Variants in ACTR2 observed in about 807,000 individuals in gnomAD.
ACTR2 encodes actin related protein 2.
ACTR2 carries 5 observed loss-of-function variants against 50.2 expected under a neutral mutation model. The ratio of observed to expected loss-of-function variants is 0.10; its 90% CI spans 0.05 to 0.21. ACTR2 has a LOEUF of 0.21. ACTR2 is among the 10% of genes least tolerant of loss of function. The pLI, the probability that ACTR2 is intolerant of heterozygous loss-of-function variation, is 1.00. For synonymous variants in ACTR2, 140 were observed against 162.9 expected (o/e 0.86, Z 1.07); for missense variants, 180 against 480.6 (o/e 0.37, Z 5.85).
At chr2:65,229,783 CATATT>C (rs1380825356) in intron 1 of ACTR2, among the ~76,000 whole-genome samples, 3 of 140,796 alleles carry the variant, frequency 2.1e-5, no homozygotes, top group African/African-American at 7.9e-5. Context: ...AAAAACAAAA[CATATT>C]AATGTGACGG....
chr2:65,231,953 G>T (rs1257502408), intron 1 of ACTR2, among the ~76,000 whole-genome samples: 1 of 152,218 alleles, frequency 6.6e-6, no homozygotes, highest in Non-Finnish European at 1.5e-5. Context: ...AGTTTGCCTG[G>T]AAACAAGTTT....
intron 6 of ACTR2, among the ~76,000 whole-genome samples, chr2:65,259,818 A>G (rs900075213): frequency 3.3e-5 from 5 of 152,252 alleles, no homozygotes; most frequent in Admixed American, 6.5e-5. Flanking sequence ...ATGCTAGCAT[A>G]CATGGGCGTG....
At chr2:65,265,721 T>C (rs1266095312) in intron 8 of ACTR2, among the ~76,000 whole-genome samples, 1 of 152,218 alleles carries the variant, frequency 6.6e-6, no homozygotes, top group Non-Finnish European at 1.5e-5. Flanking sequence ...ATTTTTAAAC[T>C]AGAAATAGTT....
chr2:65,265,147 T>G lies in ACTR2; in HGVS notation c.986T>G (p.Val329Gly). Residue 329 changes from valine to glycine, a missense_variant, in exon 8 of 9, where the codon GTT becomes GGT. Val to Gly is a moderately radical substitution (Grantham distance 109). Transcript: ENST00000260641. ...CTTAAACAGCTTTACTTAGAACGAGTTTTGAAGGGTGATGTGGAAAAACTT... is the reference window on the plus strand; with the variant it reads ...CTTAAACAGCTTTACTTAGAACGAGGTTTGAAGGGTGATGTGGAAAAACTT... Reference protein sequence around the residue: ...RELKQLYLERVLKGDVEKLSK... With the variant: ...RELKQLYLERGLKGDVEKLSK... 1.2e-6 allele frequency: 2 copies of G among 1,614,050 alleles called. No homozygotes were observed. The highest frequency in any genetic ancestry group is 8.5e-7 in the Non-Finnish European group (1 of 1,180,000).
chr2:65,233,452 C>T (rs1471673799), intron 1 of ACTR2, among the ~76,000 whole-genome samples: 1 of 151,768 alleles, frequency 6.6e-6, no homozygotes, highest in East Asian at 1.9e-4. Context: ...GCTGGGAGTT[C>T]AAGACCATCC....
At chr2:65,262,472 C>T (rs1365307631) in intron 7 of ACTR2, among the ~76,000 whole-genome samples, 2 of 151,522 alleles carry the variant, frequency 1.3e-5, no homozygotes, top group Admixed American at 6.6e-5. Flanking sequence ...AACTCCTGGC[C>T]TCAAGTGATC....
intron 2 of ACTR2, 53 bp downstream of exon 2, chr2:65,240,015 T>C: frequency 8.0e-7 from 1 of 1,248,128 alleles, no homozygotes; most frequent in Non-Finnish European, 1.2e-6. Context: ...GGTGTTCTTA[T>C]AAAAGTAGTT....
At chr2:65,268,238 T>C (rs570768352) in intron 8 of ACTR2, among the ~76,000 whole-genome samples, 30 of 152,298 alleles carry the variant, frequency 2.0e-4, no homozygotes, top group African/African-American at 5.5e-4. Flanking sequence ...CTTGGATGTT[T>C]GGTCTCTCAG....
At chr2:65,241,899 C>A in intron 2 of ACTR2, 1 of 850,062 alleles carries the variant, frequency 1.2e-6, no homozygotes, top group Non-Finnish European at 1.8e-6. Flanking sequence ...ATTATTAACT[C>A]CATTAAATAT....
chr2:65,237,090 G>A (rs957002015), intron 1 of ACTR2, among the ~76,000 whole-genome samples: 6 of 152,130 alleles, frequency 3.9e-5, no homozygotes, highest in African/African-American at 1.4e-4. Flanking sequence ...GCCAGACGCT[G>A]TTCTAGGCAG....
chr2:65,261,025 C>T (rs1245229500), intron 6 of ACTR2, among the ~76,000 whole-genome samples: 6 of 152,038 alleles, frequency 3.9e-5, no homozygotes, highest in African/African-American at 7.2e-5. Flanking sequence ...CCACCACGCC[C>T]AGCCTGGCAT....
At chr2:65,245,374 G>A (rs1426796919) in intron 2 of ACTR2, among the ~76,000 whole-genome samples, 3 of 151,972 alleles carry the variant, frequency 2.0e-5, no homozygotes, top group African/African-American at 4.8e-5. Context: ...ACAAAAATTA[G>A]CCAGGCGTGG....
intron 7 of ACTR2, among the ~76,000 whole-genome samples, chr2:65,261,750 C>G (rs1370790873): frequency 6.6e-6 from 1 of 152,226 alleles, no homozygotes; most frequent in East Asian, 1.9e-4. Flanking sequence ...TGGAGATACA[C>G]CCAGTAGTGG....
At chr2:65,261,189 G>C in intron 6 of ACTR2, 58 bp from the exon 7 acceptor site, 1 of 1,586,504 alleles carries the variant, frequency 6.3e-7, no homozygotes, top group Non-Finnish European at 8.6e-7. Flanking sequence ...GTGTTCCGGA[G>C]AACACTGGGA....
At chr2:65,254,544 T>A (rs544452622) in intron 5 of ACTR2, among the ~76,000 whole-genome samples, 1 of 152,302 alleles carries the variant, frequency 6.6e-6, no homozygotes, top group African/African-American at 2.4e-5. Flanking sequence ...ATACCACAAT[T>A]CTATAATCAG....
chr2:65,261,209 C>T, intron 6 of ACTR2, 38 bp from the exon 7 acceptor site: 3 of 1,611,080 alleles, frequency 1.9e-6, no homozygotes, highest in Non-Finnish European at 1.7e-6. Flanking sequence ...AAATTTTAAT[C>T]TTTTGCTGAT....
chr2:65,227,892 C>T lies in ACTR2; in HGVS notation c.-18C>T, dbSNP rs1671556671. ...GCTGTAGGTTGTGCGGCTGCAGCGG[C>T]TCTTCCCTGGGCGGACGATGGACAG... On this transcript the variant is annotated 5_prime_UTR_variant, in exon 1 of 9. Transcript: ENST00000260641. 6.6e-6 allele frequency: 10 copies of T among 1,513,454 alleles called. No individual in the cohort carries two copies. The highest frequency in any genetic ancestry group is 8.8e-6 in the Non-Finnish European group (10 of 1,130,676). The allele number at this position is 1,513,454 out of a possible 1,614,324, so 93.8% of individuals were successfully genotyped here.
At chr2:65,228,138 C>A (rs1013431689) in intron 1 of ACTR2, 181 bp downstream of exon 1, 151 of 493,410 alleles carry the variant, frequency 3.1e-4, no homozygotes, top group African/African-American at 2.8e-3. Context: ...CTCCCTTGAG[C>A]CTGCCACCCA....
chr2:65,257,110 A>G (rs1187967415), intron 6 of ACTR2, among the ~76,000 whole-genome samples: 1 of 125,732 alleles, frequency 8.0e-6, no homozygotes, highest in Non-Finnish European at 1.7e-5. Context: ...GCCGCCCCCC[A>G]CCCAACAGGC....
Sources: allele counts gnomAD v4.1 joint callset (sites outside exome capture counted in the v4.1 genomes callset), GRCh38; gene constraint gnomAD v4.1.1; transcripts MANE v1.5; gene names NCBI Gene and HGNC (gene_info 2026-07-23, HGNC 2026-07-21).